CNTNAP3B: variants seen among roughly 807,000 people sequenced by gnomAD.
CNTNAP3B encodes contactin-associated protein-like 3B.
A neutral mutation model predicts 108.9 loss-of-function variants in CNTNAP3B; 25 were observed. The ratio of observed to expected loss-of-function variants is 0.23; its 90% CI spans 0.17 to 0.32. The LOEUF (loss-of-function observed/expected upper bound fraction) is 0.32. CNTNAP3B is among the 10% of genes least tolerant of loss of function. The probability of loss-of-function intolerance (pLI) is 1.00; values close to 1 mark genes in which losing one functional copy is unlikely to be tolerated. For missense variants in CNTNAP3B, 252 were observed against 1,210.4 expected, an observed-to-expected ratio of 0.21 and a Z score of 11.75; for synonymous variants, 103 against 473.4, an observed-to-expected ratio of 0.22 and a Z score of 10.16.
At chr9:42,091,978 GTTTAT>G (rs1827821411) in intron 2 of CNTNAP3B, among the ~76,000 whole-genome samples, 1 of 119,010 alleles carries the variant, frequency 8.4e-6, no homozygotes. Flanking sequence ...CTTTTTTCTG[GTTTAT>G]TTTCCTTTTT....
intron 2 of CNTNAP3B, among the ~76,000 whole-genome samples, chr9:42,095,654 G>A (rs1446023776): frequency 7.2e-6 from 1 of 138,586 alleles, no homozygotes; most frequent in Non-Finnish European, 1.5e-5. Flanking sequence ...AAGCTTTCTA[G>A]TAGGAGCTGG....
intron 9 of CNTNAP3B, among the ~76,000 whole-genome samples, chr9:41,978,906 A>G (rs1049851936): frequency 3.4e-5 from 5 of 147,532 alleles, no homozygotes; most frequent in African/African-American, 1.3e-4. Flanking sequence ...AAATCGTCAC[A>G]TAGTATACCT....
At position 42,129,362 on chromosome 9, in the gene CNTNAP3B, G is replaced by C. The variant is rs1246185018; in HGVS notation, c.-268C>G. 2.8e-6 allele frequency: 1 copy of C among 352,422 alleles called. No individual in the cohort carries two copies. Among genetic ancestry groups the C allele is most frequent in the East Asian group, 8.1e-5 (1 of 12,392 alleles). The allele number at this position is 352,422 out of a possible 1,614,324, so 21.8% of individuals were successfully genotyped here. A position where few individuals can be genotyped will look rare whatever the true frequency, so the allele number is the denominator to read the frequency against. On this transcript the variant is annotated 5_prime_UTR_variant, in exon 1 of 24. Coordinates refer to ENST00000377561, the MANE Select transcript of CNTNAP3B (RefSeq NM_001201380.3). The stretch of plus-strand genomic sequence containing the variant: ...GCCGCGCGGCGCCGCCCCAGGCACG[G>C]AGGCGGCAGGTTCAGGCGCGTCCCG...
intron 14 of CNTNAP3B, among the ~76,000 whole-genome samples, chr9:41,934,510 G>A (rs1449689491): frequency 6.8e-4 from 103 of 152,236 alleles, no homozygotes; most frequent in African/African-American, 2.3e-3. Context: ...CGTGAGCCAC[G>A]GCGCCCTGCC....
At chr9:41,933,743 T>C (rs1291917185) in intron 14 of CNTNAP3B, among the ~76,000 whole-genome samples, 1 of 152,284 alleles carries the variant, frequency 6.6e-6, no homozygotes, top group Non-Finnish European at 1.5e-5. Context: ...TCCAAACTTT[T>C]CATCACTTAC....
intron 2 of CNTNAP3B, among the ~76,000 whole-genome samples, chr9:42,077,463 C>T (rs1323694633): frequency 1.5e-5 from 2 of 136,160 alleles, no homozygotes; most frequent in Admixed American, 7.4e-5. Flanking sequence ...ATATATTGAC[C>T]TTGCACTCAA....
At chr9:42,019,779 G>T (rs1587203825) in intron 3 of CNTNAP3B, among the ~76,000 whole-genome samples, 1 of 106,416 alleles carries the variant, frequency 9.4e-6, no homozygotes, top group East Asian at 3.7e-4. Flanking sequence ...AAAAAAAAAA[G>T]TACTATGGAA....
At chr9:41,937,623 G>C (rs1440419104) in intron 14 of CNTNAP3B, among the ~76,000 whole-genome samples, 1 of 152,256 alleles carries the variant, frequency 6.6e-6, no homozygotes, top group East Asian at 1.9e-4. Flanking sequence ...TGAGAAAATT[G>C]TTTCTGCTCA....
At chr9:41,958,072 C>G (rs1282695631) in intron 12 of CNTNAP3B, among the ~76,000 whole-genome samples, 40 of 152,240 alleles carry the variant, frequency 2.6e-4, no homozygotes, top group Non-Finnish European at 4.6e-4. Flanking sequence ...AATGCTTGCT[C>G]TGTCTCTTCA....
intron 2 of CNTNAP3B, among the ~76,000 whole-genome samples, chr9:42,099,228 C>T (rs1159893656): frequency 1.6e-5 from 2 of 123,066 alleles, no homozygotes; most frequent in African/African-American, 6.5e-5. Flanking sequence ...GTCATCAACT[C>T]ATAACCAAAT....
chr9:41,957,452 C>T (rs1241397848), intron 12 of CNTNAP3B, among the ~76,000 whole-genome samples: 1 of 100,480 alleles, frequency 1.0e-5, no homozygotes, highest in African/African-American at 4.3e-5. Context: ...TTTCTCTTTG[C>T]TTTTCAGTTT....
At chr9:41,967,591 C>A (rs553796754) in intron 10 of CNTNAP3B, among the ~76,000 whole-genome samples, 4 of 152,402 alleles carry the variant, frequency 2.6e-5, no homozygotes, top group African/African-American at 9.6e-5. Context: ...GCTTACAGGC[C>A]TGTTTTCAGG....
intron 12 of CNTNAP3B, among the ~76,000 whole-genome samples, chr9:41,959,665 G>A (rs1194644092): frequency 6.6e-6 from 1 of 152,312 alleles, no homozygotes; most frequent in Non-Finnish European, 1.5e-5. Flanking sequence ...TCAGCACATT[G>A]CTGTGCAGGT....
chr9:42,119,438 C>T (rs1828405820), intron 1 of CNTNAP3B, among the ~76,000 whole-genome samples: 3 of 131,628 alleles, frequency 2.3e-5, no homozygotes. Flanking sequence ...CCATCCCCAT[C>T]AAGCTACCAA....
intron 14 of CNTNAP3B, among the ~76,000 whole-genome samples, chr9:41,930,950 T>C (rs1432438801): frequency 6.6e-6 from 1 of 152,272 alleles, no homozygotes; most frequent in Non-Finnish European, 1.5e-5. Flanking sequence ...TTATATACTT[T>C]TGGTTATATT....
intron 11 of CNTNAP3B, among the ~76,000 whole-genome samples, chr9:41,963,801 C>T (rs1444462751): frequency 6.6e-6 from 1 of 152,298 alleles, no homozygotes; most frequent in Non-Finnish European, 1.5e-5. Flanking sequence ...TAGCTGGGGG[C>T]CAAGTTACTT....
intron 3 of CNTNAP3B, among the ~76,000 whole-genome samples, chr9:42,049,289 C>A (rs562464104): frequency 7.2e-6 from 1 of 139,344 alleles, no homozygotes; most frequent in Non-Finnish European, 1.5e-5. Flanking sequence ...TCTCTCACTC[C>A]CACACTATAG....
At position 42,115,583 on chromosome 9, in the gene CNTNAP3B, G is replaced by C. The variant is rs1366122053; in HGVS notation, c.86-10844C>G. ...ATTTGCTGTTCTGCAGCCTCTGCTG[G>C]TGATACCCAGGCAAACAGGGTCTGG... On this transcript the variant is annotated intron_variant, in intron 1 of 23. Transcript: ENST00000377561. Among the ~76,000 whole-genome samples the C allele has an allele frequency of 6.1e-4, 81 of 132,116 alleles. 12 individuals are homozygous for C. Among genetic ancestry groups the C allele is most frequent in the African/African-American group, 2.5e-3 (81 of 32,534 alleles). The allele number at this position is 132,116 out of a possible 152,430, so 86.7% of individuals were successfully genotyped here.
chr9:42,118,196 T>C (rs1468269558), intron 1 of CNTNAP3B, among the ~76,000 whole-genome samples: 1 of 139,532 alleles, frequency 7.2e-6, no homozygotes, highest in Non-Finnish European at 1.5e-5. Flanking sequence ...ATCATCCTGA[T>C]ACCAAAGCCT....
Sources: allele counts gnomAD v4.1 joint callset (sites outside exome capture counted in the v4.1 genomes callset), GRCh38; gene constraint gnomAD v4.1.1; transcripts MANE v1.5; gene names NCBI Gene and HGNC (gene_info 2026-07-23, HGNC 2026-07-21).